The following JMJD1C variants were observed in gnomAD, a reference collection of about 807,000 sequenced individuals.
JMJD1C encodes jumonji domain containing 1C, also known as jumonji domain-containing protein 1C.
A neutral mutation model predicts 245.3 loss-of-function variants in JMJD1C; 31 were observed. That is an observed-to-expected ratio of 0.13 (90% CI 0.09 to 0.17). The LOEUF is 0.17. Among genes scored for constraint, JMJD1C ranks in the 10% least tolerant of loss-of-function variants. JMJD1C has a pLI of 1.00. For synonymous variants in JMJD1C, 1,057 were observed against 1,017.4 expected, an observed-to-expected ratio of 1.04 and a Z score of -0.74; for missense variants, 2,691 against 3,000.2, an observed-to-expected ratio of 0.90 and a Z score of 2.41.
rs181946676 is a variant in JMJD1C, at chr10:63,444,182, T to C, written c.168+21313A>G. On this transcript the variant is annotated intron_variant, in intron 1 of 25. Transcript: ENST00000399262. The stretch of plus-strand genomic sequence containing the variant: ...TGCATATTACAGAGTTTTATTTTAT[T>C]GGTTTTACTAGGATTTTTTCAAAAT... Among the ~76,000 whole-genome samples the C allele has an allele frequency of 4.7e-4, 71 of 152,338 alleles. 1 individual carries two copies. Among genetic ancestry groups the C allele is most frequent in the African/African-American group, 1.7e-3 (70 of 41,582 alleles).
intron 2 of JMJD1C, among the ~76,000 whole-genome samples, chr10:63,295,213 C>T (rs1193243469): frequency 6.6e-6 from 1 of 151,878 alleles, no homozygotes; most frequent in Non-Finnish European, 1.5e-5. Context: ...CCTGCCTTAG[C>T]CTCCCTGAGT....
intron 1 of JMJD1C, among the ~76,000 whole-genome samples, chr10:63,411,189 G>C (rs964946763): frequency 2.6e-5 from 4 of 152,004 alleles, no homozygotes; most frequent in East Asian, 1.9e-4. Flanking sequence ...ATAGAACTGA[G>C]ATCAGTGGAA....
intron 2 of JMJD1C, among the ~76,000 whole-genome samples, chr10:63,295,933 G>GTACACATATA (rs1406372307): frequency 2.5e-4 from 14 of 55,462 alleles, no homozygotes; most frequent in South Asian, 5.3e-4. Flanking sequence ...ATGTACATGT[G>GTACACATATA]TATACATATA....
At chr10:63,302,185 T>C (rs761534609) in intron 2 of JMJD1C, among the ~76,000 whole-genome samples, 2 of 152,162 alleles carry the variant, frequency 1.3e-5, no homozygotes, top group Non-Finnish European at 2.9e-5. Flanking sequence ...ACTCAGTTTA[T>C]TTAACAGATA....
chr10:63,312,605 G>GT (rs1326436737), intron 2 of JMJD1C, among the ~76,000 whole-genome samples: 2 of 152,058 alleles, frequency 1.3e-5, no homozygotes, highest in Non-Finnish European at 2.9e-5. Context: ...AAAAGTAGAA[G>GT]TTTTTTATAT....
chr10:63,230,800 A>G (rs1849884973), intron 3 of JMJD1C, among the ~76,000 whole-genome samples: 1 of 151,572 alleles, frequency 6.6e-6, no homozygotes. Context: ...AATAAAAAAT[A>G]AAATTTGACC....
chr10:63,234,017 T>C (rs1246442708), intron 3 of JMJD1C, among the ~76,000 whole-genome samples: 1 of 152,154 alleles, frequency 6.6e-6, no homozygotes, highest in Non-Finnish European at 1.5e-5. Context: ...AAATGCAATA[T>C]AATCTGACAG....
intron 1 of JMJD1C, among the ~76,000 whole-genome samples, chr10:63,449,856 C>A (rs1436473025): frequency 3.3e-5 from 5 of 152,088 alleles, no homozygotes; most frequent in Non-Finnish European, 7.3e-5. Flanking sequence ...CGGTTCTTGC[C>A]TGTAATCCCA....
At chr10:63,309,741 AC>A (rs1938883300) in intron 2 of JMJD1C, among the ~76,000 whole-genome samples, 1 of 151,954 alleles carries the variant, frequency 6.6e-6, no homozygotes, top group African/African-American at 2.4e-5. Context: ...ACATGGTGAA[AC>A]CCAGTCTCTA....
At chr10:63,408,635 G>A (rs534976489) in intron 1 of JMJD1C, among the ~76,000 whole-genome samples, 52 of 151,732 alleles carry the variant, frequency 3.4e-4, no homozygotes, top group African/African-American at 1.1e-3. Context: ...TATCCAGTCA[G>A]GTCTGAGTCA....
chr10:63,313,503 A>C (rs576414634), intron 2 of JMJD1C, among the ~76,000 whole-genome samples: 1 of 152,278 alleles, frequency 6.6e-6, no homozygotes, highest in African/African-American at 2.4e-5. Context: ...TGGTACTTCT[A>C]CTTAAAGGAA....
At chr10:63,200,092 G>C (rs1270469997) in intron 11 of JMJD1C, among the ~76,000 whole-genome samples, 1 of 152,048 alleles carries the variant, frequency 6.6e-6, no homozygotes, top group Non-Finnish European at 1.5e-5. Context: ...TTTACTGTCT[G>C]GGTTATCCAG....
intron 2 of JMJD1C, among the ~76,000 whole-genome samples, chr10:63,320,826 T>C (rs1351072036): frequency 6.6e-6 from 1 of 152,124 alleles, no homozygotes; most frequent in African/African-American, 2.4e-5. Flanking sequence ...AGAAGACTCT[T>C]TTGTTCTAAT....
chr10:63,329,163 T>A (rs1175410595), intron 2 of JMJD1C, among the ~76,000 whole-genome samples: 1 of 151,768 alleles, frequency 6.6e-6, no homozygotes, highest in Non-Finnish European at 1.5e-5. Context: ...GCGCCTATAA[T>A]CCCAGCTACT....
At chr10:63,197,784 G>A (rs889144035) in intron 12 of JMJD1C, among the ~76,000 whole-genome samples, 1 of 152,226 alleles carries the variant, frequency 6.6e-6, no homozygotes, top group African/African-American at 2.4e-5. Flanking sequence ...CATCTAAGCA[G>A]GGTTTCTCAA....
At chr10:63,247,850 AAAACAAAACAAAAC>A (rs1481000783) in intron 3 of JMJD1C, among the ~76,000 whole-genome samples, 2 of 22,884 alleles carry the variant, frequency 8.7e-5, no homozygotes, top group Non-Finnish European at 6.3e-4. Flanking sequence ...AAAACAAAAC[AAAACAAAACAAAAC>A]AAACAAAGAA....
At chr10:63,407,724 TA>T (rs1055855380) in intron 1 of JMJD1C, among the ~76,000 whole-genome samples, 150 of 104,660 alleles carry the variant, frequency 1.4e-3, no homozygotes, top group Non-Finnish European at 1.8e-3. Context: ...AACAAAACAT[TA>T]AAAAAAAAAA....
chr10:63,413,184 CG>C (rs528376282), intron 1 of JMJD1C, among the ~76,000 whole-genome samples: 10 of 151,932 alleles, frequency 6.6e-5, no homozygotes, highest in Non-Finnish European at 1.5e-4. Context: ...TCTACAAAAG[CG>C]TATGTATATG....
intron 22 of JMJD1C, among the ~76,000 whole-genome samples, chr10:63,183,024 G>A (rs189557730): frequency 1.2e-4 from 18 of 152,222 alleles, no homozygotes; most frequent in African/African-American, 3.9e-4. Flanking sequence ...ACCACACCCA[G>A]CTAATTTTGT....
Sources: gnomAD v4.1 joint callset for allele counts (sites outside exome capture counted in the v4.1 genomes callset) on GRCh38, gnomAD v4.1.1 for gene constraint, MANE v1.5 for transcripts, NCBI Gene and HGNC (gene_info 2026-07-23, HGNC 2026-07-21) for gene names.